Variants in CEP170 observed in about 807,000 individuals in gnomAD.
The protein encoded by CEP170 is centrosomal protein 170.
Under a neutral mutation model 151.9 loss-of-function variants are expected in CEP170, and 21 were observed. The observed-to-expected ratio is 0.14, with a 90% confidence interval of 0.10 to 0.20. CEP170 has a LOEUF of 0.20. Ranked by LOEUF, CEP170 falls within the 10% of genes least tolerant of loss-of-function variation. CEP170 has a pLI of 1.00. For synonymous variants in CEP170, 356 were observed against 648.8 expected (o/e 0.55, Z 6.86); for missense variants, 964 against 1,892.9 (o/e 0.51, Z 9.11).
At chr1:243,221,927 G>T in intron 2 of CEP170, 114 bp from the exon 3 acceptor site, 1 of 873,670 alleles carries the variant, frequency 1.1e-6, no homozygotes. Context: ...AAATATCAAA[G>T]TAAGTGTGGA....
intron 3 of CEP170, among the ~76,000 whole-genome samples, chr1:243,214,323 T>C (rs927749661): frequency 1.5e-4 from 22 of 147,782 alleles, no homozygotes; most frequent in African/African-American, 5.4e-4. Context: ...CTTGCTCTTG[T>C]TGCCCAGGCT....
At chr1:243,208,282 C>T (rs2061551313) in intron 4 of CEP170, among the ~76,000 whole-genome samples, 1 of 152,014 alleles carries the variant, frequency 6.6e-6, no homozygotes, top group Admixed American at 6.6e-5. Context: ...CTTTTCATAC[C>T]CCTGCCCACT....
chr1:243,148,324 A>G (rs2056731703), intron 14 of CEP170, among the ~76,000 whole-genome samples: 1 of 152,086 alleles, frequency 6.6e-6, no homozygotes, highest in Non-Finnish European at 1.5e-5. Flanking sequence ...TAATCCTAGC[A>G]CTTTGGGAGG....
rs1376621112 is a variant in CEP170 at position 243,165,373 on chromosome 1, T to C, written c.2587A>G (p.Thr863Ala). The C allele has an allele frequency of 6.5e-7, 1 of 1,542,652 alleles. No homozygotes were observed. The highest frequency in any genetic ancestry group is 1.8e-5 in the Admixed American group (1 of 54,138). The change falls in exon 13 of 20, where the codon ACT (threonine) becomes GCT (alanine). Residue 863 changes from threonine (T) to alanine (A), a missense_variant. Physicochemically the swap from Thr to Ala is moderately conservative, Grantham distance 58. Coordinates refer to ENST00000366542, the MANE Select transcript of CEP170 (RefSeq NM_014812.3). ...IPHINKQTSS[T>A]PSSLALTSAS... ...GATGTTAATGCTAAAGAAGAAGGAG[T>C]AGAGGAAGTCTGTTTATTTATATGG...
At chr1:243,221,574 G>A in intron 3 of CEP170, 150 bp downstream of exon 3, 1 of 693,188 alleles carries the variant, frequency 1.4e-6, no homozygotes, top group Non-Finnish European at 2.4e-6. Context: ...CTATTGGATG[G>A]TCCCCAAAGT....
intron 1 of CEP170, among the ~76,000 whole-genome samples, chr1:243,236,638 G>T (rs1277819967): frequency 6.6e-6 from 1 of 152,208 alleles, no homozygotes; most frequent in African/African-American, 2.4e-5. Flanking sequence ...GTATAGCATG[G>T]ATTAGAAACC....
At chr1:243,137,608 C>G (rs2055257980) in intron 16 of CEP170, among the ~76,000 whole-genome samples, 1 of 151,926 alleles carries the variant, frequency 6.6e-6, no homozygotes, top group Admixed American at 6.6e-5. Context: ...AACCCCATCT[C>G]TACTAAAAAT....
intron 3 of CEP170, among the ~76,000 whole-genome samples, chr1:243,214,025 G>A (rs1442356742): frequency 1.3e-5 from 2 of 152,102 alleles, no homozygotes; most frequent in African/African-American, 4.8e-5. Context: ...TTTAAAAGAA[G>A]TGTCATATTT....
At chr1:243,226,352 TA>T in intron 1 of CEP170, among the ~76,000 whole-genome samples, 1 of 151,598 alleles carries the variant, frequency 6.6e-6, no homozygotes, top group Admixed American at 6.6e-5. Context: ...TATAACAAAG[TA>T]ACCATATTTT....
intron 1 of CEP170, among the ~76,000 whole-genome samples, chr1:243,238,114 C>G (rs1233880518): frequency 6.6e-6 from 1 of 151,872 alleles, no homozygotes; most frequent in African/African-American, 2.4e-5. Context: ...TGGAATTGTT[C>G]TGTAGTTTGA....
chr1:243,199,441 A>T (rs1458121192), intron 6 of CEP170, among the ~76,000 whole-genome samples: 1 of 152,094 alleles, frequency 6.6e-6, no homozygotes, highest in Non-Finnish European at 1.5e-5. Context: ...TACATATCTC[A>T]ATAGCTTTTT....
At chr1:243,243,497 GATTTATTTATTTATTTATTT>G (rs35889417) in intron 1 of CEP170, among the ~76,000 whole-genome samples, 1 of 145,962 alleles carries the variant, frequency 6.9e-6, no homozygotes, top group Non-Finnish European at 1.5e-5. Context: ...TTACCATTCT[GATTTATTTATTTATTTATTT>G]ATTTATTTAT....
intron 3 of CEP170, 159 bp downstream of exon 3, chr1:243,221,565 T>A: frequency 1.5e-6 from 1 of 658,976 alleles, no homozygotes; most frequent in Non-Finnish European, 2.5e-6. Context: ...TTTCATATTC[T>A]ATTGGATGGT....
intron 2 of CEP170, 87 bp downstream of exon 2, chr1:243,225,089 A>T: frequency 1.5e-6 from 1 of 661,726 alleles, no homozygotes; most frequent in Non-Finnish European, 2.3e-6. Flanking sequence ...AAATCTAAAT[A>T]GCACTGTTTT....
intron 10 of CEP170, among the ~76,000 whole-genome samples, chr1:243,182,449 T>C: frequency 6.6e-6 from 1 of 151,854 alleles, no homozygotes; most frequent in Non-Finnish European, 1.5e-5. Flanking sequence ...AGTCATTAAC[T>C]AATTGACTAC....
chr1:243,199,606 T>C (rs150208264), intron 6 of CEP170, among the ~76,000 whole-genome samples: 8,082 of 152,200 alleles, frequency 0.053, 467 homozygotes, highest in African/African-American at 0.15. Flanking sequence ...TGATCAGAAA[T>C]GGCTCATTAA....
Position 243,226,073 on chromosome 1 carries a change from A to C in CEP170, c.-41-752T>G, listed in dbSNP as rs576808643. On this transcript the variant is annotated intron_variant, in intron 1 of 19. Coordinates refer to ENST00000366542, the MANE Select transcript of CEP170 (RefSeq NM_014812.3). The stretch of plus-strand genomic sequence containing the variant: ...TATATATCTAGATATATATATCTAT[A>C]TCTAGATATAAATATATCTATATAT... Among the ~76,000 whole-genome samples the C allele has an allele frequency of 6.0e-4, 87 of 145,262 alleles. No homozygotes were observed. In the South Asian group the frequency reaches 7.2e-3, roughly 12 times the overall value.
chr1:243,130,406 T>G (rs2054266458), intron 17 of CEP170, among the ~76,000 whole-genome samples: 1 of 152,090 alleles, frequency 6.6e-6, no homozygotes, highest in Non-Finnish European at 1.5e-5. Context: ...TAAAAACAAT[T>G]GCCAATAAAG....
intron 17 of CEP170, among the ~76,000 whole-genome samples, chr1:243,134,096 G>A (rs377064570): frequency 6.6e-6 from 1 of 152,036 alleles, no homozygotes; most frequent in African/African-American, 2.4e-5. Context: ...GGCTTCAAGT[G>A]GAAATAGAAA....
Sources: gnomAD v4.1 joint callset for allele counts (sites outside exome capture counted in the v4.1 genomes callset) on GRCh38, gnomAD v4.1.1 for gene constraint, MANE v1.5 for transcripts, NCBI Gene and HGNC (gene_info 2026-07-23, HGNC 2026-07-21) for gene names.